The following EHBP1 variants were observed in gnomAD, a reference collection of about 807,000 sequenced individuals.
EHBP1 encodes the protein EH domain binding protein 1.
EHBP1 carries 55 observed loss-of-function variants against 144.0 expected under a neutral mutation model. The ratio of observed to expected loss-of-function variants is 0.38; its 90% CI spans 0.31 to 0.48. EHBP1 has a LOEUF of 0.48. EHBP1 is among the 20% of genes least tolerant of loss of function. EHBP1 has a pLI of 0.98. For synonymous variants in EHBP1, 469 were observed against 472.7 expected, an observed-to-expected ratio of 0.99 and a Z score of 0.10; for missense variants, 1,200 against 1,364.2, an observed-to-expected ratio of 0.88 and a Z score of 1.90.
intron 10 of EHBP1, among the ~76,000 whole-genome samples, chr2:62,911,715 G>C (rs1019842434): frequency 3.9e-5 from 6 of 152,130 alleles, no homozygotes; most frequent in South Asian, 2.1e-4. Flanking sequence ...GCCCACCTTG[G>C]CCTCCCAAAG....
chr2:62,900,299 A>C (rs868174381), intron 10 of EHBP1, among the ~76,000 whole-genome samples: 1 of 152,046 alleles, frequency 6.6e-6, no homozygotes, highest in Non-Finnish European at 1.5e-5. Context: ...TTTTTGAAAA[A>C]TGGGAGGTTA....
chr2:62,838,635 A>G lies in EHBP1; in HGVS notation c.634+7477A>G, dbSNP rs1269494704. ...AAAAAGAGAGAAGAATCAAATAGACACAATAAAAAATGATAAAGGGGATAT... is the reference window on the plus strand; with the variant it reads ...AAAAAGAGAGAAGAATCAAATAGACGCAATAAAAAATGATAAAGGGGATAT... On this transcript the variant is annotated intron_variant, in intron 7 of 22. Coordinates refer to ENST00000431489, the MANE Select transcript of EHBP1 (RefSeq NM_001142616.3). 3.4e-3 allele frequency among the ~76,000 whole-genome samples: 520 copies of G among 150,926 alleles called. 1 individual carries two copies. Among genetic ancestry groups the G allele is most frequent in the Non-Finnish European group, 4.6e-3 (306 of 67,140 alleles).
chr2:63,043,790 G>A (rs2061783023), intron 21 of EHBP1: 1 of 151,978 alleles, frequency 6.6e-6, no homozygotes, highest in African/African-American at 2.4e-5. Context: ...CACCAGCCAT[G>A]TGAGTTTTAA....
At chr2:62,796,251 A>T (rs1284984707) in intron 5 of EHBP1, among the ~76,000 whole-genome samples, 1 of 151,872 alleles carries the variant, frequency 6.6e-6, no homozygotes, top group Non-Finnish European at 1.5e-5. Flanking sequence ...GCCTAGAAAT[A>T]TGCATAAAAC....
intron 7 of EHBP1, among the ~76,000 whole-genome samples, chr2:62,855,771 C>G (rs1325725526): frequency 4.6e-5 from 7 of 152,148 alleles, no homozygotes; most frequent in African/African-American, 1.7e-4. Context: ...ACTCCAGGAC[C>G]TCTACTCTGC....
chr2:62,902,525 T>C (rs1464269657), intron 10 of EHBP1, among the ~76,000 whole-genome samples: 5 of 152,166 alleles, frequency 3.3e-5, no homozygotes, highest in African/African-American at 1.2e-4. Flanking sequence ...TTGAAAAAAA[T>C]ATATACATGC....
At chr2:62,732,778 A>G (rs2037736559) in intron 2 of EHBP1, among the ~76,000 whole-genome samples, 1 of 152,156 alleles carries the variant, frequency 6.6e-6, no homozygotes, top group African/African-American at 2.4e-5. Context: ...GACTAATTCA[A>G]TACTTTTTGT....
intron 1 of EHBP1, among the ~76,000 whole-genome samples, chr2:62,699,092 C>T (rs1248836920): frequency 2.0e-5 from 3 of 152,154 alleles, no homozygotes; most frequent in Non-Finnish European, 2.9e-5. Context: ...TGAATTTCTA[C>T]CAGCTTTTCT....
At position 63,045,399 on chromosome 2, in the gene EHBP1, C is replaced by T. The variant is rs1382872200; in HGVS notation, c.3393-11C>T. 1 of 1,613,274 alleles carries T rather than the reference C, an allele frequency of 6.2e-7. No individual in the cohort carries two copies. Among genetic ancestry groups the T allele is most frequent in the East Asian group, 2.2e-5 (1 of 44,876 alleles). On this transcript the variant is annotated splice_polypyrimidine_tract_variant and intron_variant, in intron 22 of 22. Transcript: ENST00000431489. This position sits in a 1 kb window ranked among gnomAD's most constrained non-coding sequence, Gnocchi z 5.7. ...TTTGTTTCCTGTTTGTCCTGTTTGT[C>T]TGACATCCAGGGCCGAAGAAGAAGA...
intron 10 of EHBP1, among the ~76,000 whole-genome samples, chr2:62,909,189 C>T (rs2054013704): frequency 6.6e-6 from 1 of 152,118 alleles, no homozygotes; most frequent in Admixed American, 6.6e-5. Context: ...GAGCCTTCCC[C>T]CCACCCCGAG....
intron 2 of EHBP1, among the ~76,000 whole-genome samples, chr2:62,714,228 A>G (rs1021928914): frequency 3.3e-5 from 5 of 152,168 alleles, no homozygotes; most frequent in Non-Finnish European, 7.3e-5. Context: ...TCTTAAAAAG[A>G]AAAAAAGAAA....
intron 1 of EHBP1, among the ~76,000 whole-genome samples, chr2:62,674,635 G>C (rs1219954416): frequency 6.6e-6 from 1 of 152,182 alleles, no homozygotes; most frequent in East Asian, 1.9e-4. Flanking sequence ...TAAACCAAAT[G>C]TGGATTGTAG....
At chr2:62,898,059 C>T (rs866677383) in intron 10 of EHBP1, among the ~76,000 whole-genome samples, 1 of 151,976 alleles carries the variant, frequency 6.6e-6, no homozygotes, top group African/African-American at 2.4e-5. Context: ...AGGCGGTGAG[C>T]GGAAAGAAAC....
Position 62,695,915 on chromosome 2 carries a change from G to A in EHBP1, c.-295-10982G>A, listed in dbSNP as rs558994643. On this transcript the variant is annotated intron_variant, in intron 1 of 22. Transcript: ENST00000405015. ...TTTTGTAGAGACAGGGTTTTGACAC[G>A]TTGCTCAGGCTGGTCTCAAACTCCT... is the stretch of plus-strand genomic sequence containing the variant. 1.6e-3 allele frequency among the ~76,000 whole-genome samples: 240 copies of A among 151,982 alleles called. 1 individual carries two copies. Among genetic ancestry groups the A allele is most frequent in the African/African-American group, 5.6e-3 (231 of 41,464 alleles).
chr2:62,796,532 CTA>C (rs1384353286), intron 5 of EHBP1, among the ~76,000 whole-genome samples: 1 of 152,124 alleles, frequency 6.6e-6, no homozygotes, highest in African/African-American at 2.4e-5. Context: ...GAAATACACT[CTA>C]AAAGTTTTAC....
Position 62,963,450 on chromosome 2 carries a change from T to C in EHBP1, c.2460+7790T>C, listed in dbSNP as rs1481917805. On this transcript the variant is annotated intron_variant, in intron 14 of 22. Transcript: ENST00000431489. ...TTTTTGATAATCTCTAATAGTAACC[T>C]TTTCCGTAGTTTTCATATATATGTG... 2.6e-5 allele frequency among the ~76,000 whole-genome samples: 4 copies of C among 152,296 alleles called. No individual in the cohort carries two copies. The East Asian group carries it at 7.7e-4, about 29-fold the overall frequency.
rs2059510349 is a variant in EHBP1, at chr2:62,993,726, A to G, written c.2872+58A>G. 3 of 807,074 alleles carry G rather than the reference A, an allele frequency of 3.7e-6. No homozygotes were observed. The South Asian group carries it at 1.4e-4, about 39-fold the overall frequency. The allele number at this position is 807,074 out of a possible 1,614,324, so 50.0% of individuals were successfully genotyped here. ...ATGGTTTAACTATATATAGATATCT[A>G]TATATAGTATATATATATAGTATAT... On this transcript the variant is annotated intron_variant, in intron 17 of 22. Coordinates refer to ENST00000431489, the MANE Select transcript of EHBP1 (RefSeq NM_001142616.3).
intron 19 of EHBP1, among the ~76,000 whole-genome samples, chr2:63,005,251 T>G (rs186936124): frequency 2.3e-4 from 35 of 152,258 alleles, no homozygotes; most frequent in Admixed American, 2.1e-3. Flanking sequence ...GTTTTGCCCA[T>G]GCTATAAATG....
At chr2:62,956,482 A>G (rs1198095834) in intron 14 of EHBP1, among the ~76,000 whole-genome samples, 1 of 152,158 alleles carries the variant, frequency 6.6e-6, no homozygotes, top group Non-Finnish European at 1.5e-5. Context: ...CCTATTGCTT[A>G]TGAGACTATG....
Sources: allele counts gnomAD v4.1 joint callset (sites outside exome capture counted in the v4.1 genomes callset), GRCh38; gene constraint gnomAD v4.1.1; non-coding constraint Gnocchi (gnomAD v3.1); transcripts MANE v1.5; gene names NCBI Gene and HGNC (gene_info 2026-07-23, HGNC 2026-07-21).